PCDHA10: variants seen among roughly 807,000 people sequenced by gnomAD.
PCDHA10 encodes the protein protocadherin alpha 10.
In PCDHA10, 45 loss-of-function variants were observed where a neutral mutation model predicts 61.2. That is an observed-to-expected ratio of 0.74 (90% CI 0.58 to 0.94). The LOEUF (loss-of-function observed/expected upper bound fraction) is 0.94, where lower values mean the gene tolerates loss of function less well. Ranked by LOEUF, PCDHA10 falls within the 40% of genes least tolerant of loss-of-function variation. The pLI, the probability that PCDHA10 is intolerant of heterozygous loss-of-function variation, is 0.00. For synonymous variants in PCDHA10, 602 were observed against 548.8 expected (o/e 1.10, Z -1.35); for missense variants, 1,278 against 1,236.2 (o/e 1.03, Z -0.51).
intron 1 of PCDHA10, among the ~76,000 whole-genome samples, chr5:140,947,198 TA>T (rs1554218091): frequency 1.3e-5 from 2 of 151,312 alleles, no homozygotes; most frequent in African/African-American, 4.8e-5. Flanking sequence ...TACACAGCCT[TA>T]AAAAAAGAAA....
chr5:140,995,265 G>A (rs1293855932), intron 3 of PCDHA10, among the ~76,000 whole-genome samples: 1 of 152,102 alleles, frequency 6.6e-6, no homozygotes, highest in African/African-American at 2.4e-5. Context: ...TTGAATACAA[G>A]CCCTTTGATA....
intron 1 of PCDHA10, among the ~76,000 whole-genome samples, chr5:140,970,865 T>C (rs1255232385): frequency 6.6e-6 from 1 of 152,180 alleles, no homozygotes; most frequent in Non-Finnish European, 1.5e-5. Context: ...CCATTCCTGA[T>C]TGAGAGTAGA....
Position 140,858,165 on chromosome 5 carries a change from C to G in PCDHA10, c.2117C>G (p.Ser706Cys). The change falls in exon 1 of 4, where the codon TCC becomes TGC. Residue 706 changes from serine (S) to cysteine (C), a missense_variant. Physicochemically the swap from Ser to Cys is moderately radical, Grantham distance 112. Coordinates refer to ENST00000307360, the MANE Select transcript of PCDHA10 (RefSeq NM_018901.4). ...VYLIIAICAV[S>C]SLLVLTLLLY... ...CTGATCATCGCCATCTGCGCGGTGT[C>G]CAGCTTGCTGGTGCTCACGCTGCTG... 1 of 1,597,786 alleles carries G rather than the reference C, an allele frequency of 6.3e-7. No individual in the cohort carries two copies. The highest frequency in any genetic ancestry group is 8.6e-7 in the Non-Finnish European group (1 of 1,167,484).
At chr5:140,954,014 A>T (rs782347890) in intron 1 of PCDHA10, among the ~76,000 whole-genome samples, 1 of 152,038 alleles carries the variant, frequency 6.6e-6, no homozygotes, top group Non-Finnish European at 1.5e-5. Context: ...CAGCTCCCAC[A>T]CATAGTGGGA....
At chr5:140,981,169 C>T (rs2096920797) in intron 2 of PCDHA10, among the ~76,000 whole-genome samples, 1 of 152,170 alleles carries the variant, frequency 6.6e-6, no homozygotes, top group Admixed American at 6.5e-5. Context: ...GTTGCCTTCC[C>T]TCTAATAGTT....
intron 3 of PCDHA10, among the ~76,000 whole-genome samples, chr5:140,995,219 GT>G (rs1554254532): frequency 6.6e-6 from 1 of 152,072 alleles, no homozygotes; most frequent in East Asian, 1.9e-4. Flanking sequence ...CAATACTCTT[GT>G]GCTTTGGGGC....
chr5:141,000,395 C>CTCTA (rs1213762225), intron 3 of PCDHA10, among the ~76,000 whole-genome samples: 16 of 53,972 alleles, frequency 3.0e-4, no homozygotes, highest in East Asian at 6.1e-4. Context: ...CTCTCTCTCT[C>CTCTA]TATATATATA....
At chr5:140,958,344 T>A (rs1247122967) in intron 1 of PCDHA10, among the ~76,000 whole-genome samples, 2 of 152,128 alleles carry the variant, frequency 1.3e-5, no homozygotes, top group African/African-American at 4.8e-5. Context: ...CACAGGAAGT[T>A]CACAGTCTGA....
chr5:140,887,335 A>G (rs1360547523), intron 1 of PCDHA10, among the ~76,000 whole-genome samples: 1 of 152,102 alleles, frequency 6.6e-6, no homozygotes, highest in African/African-American at 2.4e-5. Flanking sequence ...TGACCTCGTG[A>G]TCCACCTGGC....
At chr5:140,938,158 C>G (rs1308976624) in intron 1 of PCDHA10, among the ~76,000 whole-genome samples, 1 of 152,112 alleles carries the variant, frequency 6.6e-6, no homozygotes, top group African/African-American at 2.4e-5. Flanking sequence ...ATTGCCCAGG[C>G]TAGTCTGGAG....
chr5:140,901,557 A>G (rs782333756), intron 1 of PCDHA10, among the ~76,000 whole-genome samples: 4 of 152,034 alleles, frequency 2.6e-5, no homozygotes, highest in Non-Finnish European at 5.9e-5. Context: ...CCATTCATCT[A>G]TGTGTCTGTT....
chr5:140,999,019 A>C (rs782524233), intron 3 of PCDHA10, among the ~76,000 whole-genome samples: 1 of 152,208 alleles, frequency 6.6e-6, no homozygotes, highest in Non-Finnish European at 1.5e-5. Context: ...TGAACCCAAG[A>C]CTTTTGATAC....
rs1021823272 is a variant in PCDHA10, at chr5:140,866,632, C to T, written c.2388+8196C>T. ...GGAGAACCTCCTGGGGTTCTGACAA[C>T]GGTGTCAAAATTTATTTATGTGTTT... On this transcript the variant is annotated intron_variant, in intron 1 of 3. Coordinates refer to ENST00000307360, the MANE Select transcript of PCDHA10 (RefSeq NM_018901.4). 22 of 152,178 alleles carry T rather than the reference C, an allele frequency of 1.4e-4. No homozygotes were observed. In the South Asian group the frequency reaches 2.9e-3, roughly 20 times the overall value. The allele number at this position is 152,178 out of a possible 1,614,324, so 9.4% of individuals were successfully genotyped here.
intron 3 of PCDHA10, among the ~76,000 whole-genome samples, chr5:140,983,854 T>A (rs1554245766): frequency 6.6e-6 from 1 of 152,206 alleles, no homozygotes; most frequent in Non-Finnish European, 1.5e-5. Flanking sequence ...TTAAGTAACA[T>A]GCAGCTAAGG....
intron 1 of PCDHA10, chr5:140,867,094 A>T (rs1289520469): frequency 6.6e-6 from 1 of 152,180 alleles, no homozygotes; most frequent in Admixed American, 6.5e-5. Flanking sequence ...GTTGGAAATT[A>T]ACACCTAAAT....
chr5:140,891,148 A>C (rs913917156), intron 1 of PCDHA10, among the ~76,000 whole-genome samples: 2 of 151,726 alleles, frequency 1.3e-5, no homozygotes, highest in Non-Finnish European at 2.9e-5. Flanking sequence ...TATTCTGTTT[A>C]TTTTCCTTTG....
intron 1 of PCDHA10, among the ~76,000 whole-genome samples, chr5:140,902,482 C>T (rs1554190466): frequency 1.3e-5 from 2 of 152,086 alleles, no homozygotes; most frequent in Non-Finnish European, 2.9e-5. Context: ...TTTGCCTGCT[C>T]AGTATGATAC....
intron 1 of PCDHA10, among the ~76,000 whole-genome samples, chr5:140,897,922 C>T (rs1476419563): frequency 3.3e-5 from 5 of 152,164 alleles, no homozygotes; most frequent in Non-Finnish European, 5.9e-5. Context: ...TTTTGATTTG[C>T]GTTTCTCTGA....
intron 1 of PCDHA10, chr5:140,884,600 C>G: frequency 6.2e-7 from 1 of 1,614,150 alleles, no homozygotes; most frequent in African/African-American, 1.3e-5. Flanking sequence ...CAGCCTTCCT[C>G]CTTGTCTGGG....
Sources: allele counts gnomAD v4.1 joint callset (sites outside exome capture counted in the v4.1 genomes callset), GRCh38; gene constraint gnomAD v4.1.1; transcripts MANE v1.5; gene names NCBI Gene and HGNC (gene_info 2026-07-23, HGNC 2026-07-21).